The following GPR162 variants were observed in gnomAD, a reference collection of about 807,000 sequenced individuals.
GPR162 encodes the protein G protein-coupled receptor 162.
GPR162 carries 26 observed loss-of-function variants against 44.9 expected under a neutral mutation model. The observed-to-expected ratio is 0.58, with a 90% CI of 0.42 to 0.80. GPR162 has a LOEUF of 0.80. GPR162 is among the 30% of genes least tolerant of loss of function. The pLI is 0.00. For missense variants in GPR162, 704 were observed against 802.3 expected (o/e 0.88, Z 1.48); for synonymous variants, 363 against 335.2 (o/e 1.08, Z -0.91).
In GPR162 at chr12:6,827,041, C is replaced by G; in HGVS notation, c.1604C>G (p.Pro535Arg). ...CGGCCCCGGCCACTGGGCCTCTCAC[C>G]CCGCCGACTCTCCCTTGGGTCCCCT... is the stretch of plus-strand genomic sequence containing the variant. ...PRRPRPLGLSPRRLSLGSPES... is the reference protein window; with the variant it reads ...PRRPRPLGLSRRRLSLGSPES... The change falls in exon 5 of 5, where the codon CCC becomes CGC. Residue 535 changes from proline to arginine, a missense_variant. Pro to Arg is a moderately radical substitution (Grantham distance 103). Around this residue, in one of 6 missense-constraint regions of GPR162, gnomAD observed 404 missense variants for 314.1 expected, o/e 1.29. Coordinates refer to ENST00000311268, the MANE Select transcript of GPR162 (RefSeq NM_019858.2). 6.2e-7 allele frequency: 1 copy of G among 1,613,404 alleles called. No homozygotes were observed. The highest frequency in any genetic ancestry group is 8.5e-7 in the Non-Finnish European group (1 of 1,180,028).
rs1943316696 is a variant in GPR162, at chr12:6,823,960, T to C, written c.62T>C (p.Leu21Pro). Residue 21 changes from leucine (L) to proline (P), a missense_variant, in exon 2 of 5, where the codon CTG becomes CCG. This residue lies in a region of GPR162 where 30 missense variants were observed against 31.8 expected (regional missense o/e 0.94). Coordinates refer to ENST00000311268, the MANE Select transcript of GPR162 (RefSeq NM_019858.2). The stretch of plus-strand genomic sequence containing the variant: ...CTGCGCTCCAACGCATTGTCCTGGC[T>C]GGCCTGTGGGCTCCTGGCGCTGCTG... ...ASLRSNALSW[L>P]ACGLLALLAN... is the part of the protein sequence containing the mutation. The C allele has an allele frequency of 6.3e-7, 1 of 1,597,272 alleles. No individual in the cohort carries two copies. The highest frequency in any genetic ancestry group is 8.5e-7 in the Non-Finnish European group (1 of 1,174,798).
Position 6,822,118 on chromosome 12 carries a change from C to T in GPR162, c.-432+218C>T, listed in dbSNP as rs1474810412. Among the ~76,000 whole-genome samples, 7 of 152,326 alleles carry T rather than the reference C, an allele frequency of 4.6e-5. No individual in the cohort carries two copies. Among genetic ancestry groups the T allele is most frequent in the African/African-American group, 1.7e-4 (7 of 41,570 alleles). ...AGGGAACCTCCCAGATCCCCCTTCCCACCTTCCTCTGATCTCTCCCTGTCC... is the reference window on the plus strand; with the variant it reads ...AGGGAACCTCCCAGATCCCCCTTCCTACCTTCCTCTGATCTCTCCCTGTCC... On this transcript the variant is annotated intron_variant, in intron 1 of 4. Coordinates refer to ENST00000311268, the MANE Select transcript of GPR162 (RefSeq NM_019858.2). The surrounding 1 kb of genome is among the most constrained non-coding windows in gnomAD (Gnocchi z 4.2).
At position 6,827,274 on chromosome 12, in the gene GPR162, G is replaced by C. The variant is rs1227952245; in HGVS notation, c.*70G>C. ...TAACACCTCATTCTGGCCGAGAGTA[G>C]GGCAGCTGCCTCCAGACTCTGGGGA... On this transcript the variant is annotated 3_prime_UTR_variant, in exon 5 of 5. Transcript: ENST00000311268. 1.5e-5 allele frequency: 20 copies of C among 1,295,196 alleles called. No homozygotes were observed. The highest frequency in any genetic ancestry group is 2.1e-5 in the Non-Finnish European group (20 of 950,022). 80.2% of individuals were successfully genotyped at this position (1,295,196 alleles called of 1,614,324 possible). A position where few individuals can be genotyped will look rare whatever the true frequency, so the allele number is the denominator to read the frequency against.
At position 6,827,031 on chromosome 12, in the gene GPR162, G is replaced by A. The variant is rs782557583; in HGVS notation, c.1594G>A (p.Gly532Ser). ...GHSPRRPRPLGLSPRRLSLGS... is the reference protein window; with the variant it reads ...GHSPRRPRPLSLSPRRLSLGS... ...CTCTCCTCGTCGGCCCCGGCCACTG[G>A]GCCTCTCACCCCGCCGACTCTCCCT... Residue 532 changes from glycine to serine, a missense_variant, in exon 5 of 5, where the codon GGC becomes AGC. Transcript: ENST00000311268. 8.7e-6 allele frequency: 14 copies of A among 1,613,338 alleles called. No homozygotes were observed. Among genetic ancestry groups the A allele is most frequent in the East Asian group, 2.2e-5 (1 of 44,872 alleles).
chr12:6,825,205 CA>C lies in GPR162; in HGVS notation c.868-278del. The C allele has an allele frequency of 5.4e-6, 3 of 557,646 alleles. No individual in the cohort carries two copies. The South Asian group carries it at 6.0e-5, about 11-fold the overall frequency. 34.5% of individuals were successfully genotyped at this position (557,646 alleles called of 1,614,324 possible). A position where few individuals can be genotyped will look rare whatever the true frequency, so the allele number is the denominator to read the frequency against. On this transcript the variant is annotated intron_variant, in intron 2 of 4. Transcript: ENST00000311268. ...GGCTCACCCCACCACCCCATCTAGT[CA>C]CTGTTCCTGGGTTCCTGTCTGTCTC...
chr12:6,824,337 A>G lies in GPR162; in HGVS notation c.439A>G (p.Ile147Val). The stretch of plus-strand genomic sequence containing the variant: ...CATGGGCATCTGGATGGTCAGCTTC[A>G]TCCTCTCCACACTGCCCTCCATTGG... Reference protein sequence around the residue: ...AVMGIWMVSFILSTLPSIGWH... With the variant: ...AVMGIWMVSFVLSTLPSIGWH... The change falls in exon 2 of 5, where the codon ATC (isoleucine) becomes GTC (valine). Residue 147 changes from isoleucine to valine, a missense_variant. Around this residue, in one of 6 missense-constraint regions of GPR162, gnomAD observed 110 missense variants for 206.2 expected, o/e 0.53. Transcript: ENST00000311268. 1 of 1,614,120 alleles carries G rather than the reference A, an allele frequency of 6.2e-7. No homozygotes were observed. Among genetic ancestry groups the G allele is most frequent in the Non-Finnish European group, 8.5e-7 (1 of 1,180,010 alleles).
Position 6,823,918 on chromosome 12 carries a change from G to T in GPR162, c.20G>T (p.Gly7Val). The change falls in exon 2 of 5, where the codon GGG becomes GTG. Residue 7 changes from glycine (G) to valine (V), a missense_variant. Gly to Val is a moderately radical substitution (Grantham distance 109, BLOSUM62 -3). Around this residue, in one of 6 missense-constraint regions of GPR162, gnomAD observed 30 missense variants for 31.8 expected, o/e 0.94. Coordinates refer to ENST00000311268, the MANE Select transcript of GPR162 (RefSeq NM_019858.2). ...GATAGGATGGCTCGGGGCGGGGCGGGGGCAGAGGAGGCCTCCCTGCGCTCC... is the reference window on the plus strand; with the variant it reads ...GATAGGATGGCTCGGGGCGGGGCGGTGGCAGAGGAGGCCTCCCTGCGCTCC... MARGGAGAEEASLRSNA... is the reference protein window; with the variant it reads MARGGAVAEEASLRSNA... 6.4e-7 allele frequency: 1 copy of T among 1,560,638 alleles called. No homozygotes were observed. Among genetic ancestry groups the T allele is most frequent in the Non-Finnish European group, 8.7e-7 (1 of 1,151,696 alleles).
chr12:6,825,965 C>T (rs1419861033), intron 3 of GPR162, among the ~76,000 whole-genome samples: 5 of 152,162 alleles, frequency 3.3e-5, no homozygotes, highest in African/African-American at 7.2e-5. Flanking sequence ...GCTATAGGGA[C>T]GGCTCTTGGG....
intron 4 of GPR162, 129 bp downstream of exon 4, chr12:6,826,482 A>G: frequency 9.1e-7 from 1 of 1,101,138 alleles, no homozygotes; most frequent in Non-Finnish European, 1.3e-6. Context: ...GGGTGAAAGA[A>G]AGCTATAGCA....
At chr12:6,825,082 G>A (rs1228322810) in intron 2 of GPR162, 5 of 586,026 alleles carry the variant, frequency 8.5e-6, no homozygotes, top group Admixed American at 2.3e-5. Context: ...CGGTTCAGCC[G>A]CAGACCTCTC....
Position 6,825,213 on chromosome 12 carries a change from C to T in GPR162, c.868-271C>T, listed in dbSNP as rs782606783. 161 of 562,554 alleles carry T rather than the reference C, an allele frequency of 2.9e-4. 2 individuals carry two copies. In the South Asian group the frequency reaches 3.1e-3, roughly 11 times the overall value. The allele number at this position is 562,554 out of a possible 1,614,324, so 34.8% of individuals were successfully genotyped here. ...CCACCACCCCATCTAGTCACTGTTC[C>T]TGGGTTCCTGTCTGTCTCTACGGTT... On this transcript the variant is annotated intron_variant, in intron 2 of 4. Transcript: ENST00000311268.
In GPR162 at chr12:6,826,911, G is replaced by A. The variant is rs781968979; in HGVS notation, c.1474G>A (p.Gly492Arg). The A allele has an allele frequency of 6.2e-7, 1 of 1,613,214 alleles. No homozygotes were observed. Among genetic ancestry groups the A allele is most frequent in the Non-Finnish European group, 8.5e-7 (1 of 1,179,854 alleles). Residue 492 changes from glycine (G) to arginine (R), a missense_variant, in exon 5 of 5, where the codon GGG becomes AGG. Physicochemically the swap from Gly to Arg is moderately radical, Grantham distance 125 (BLOSUM62 -2). Transcript: ENST00000311268. Reference protein sequence around the residue: ...FLESGVLGSGGGPPRGPGFFR... With the variant: ...FLESGVLGSGRGPPRGPGFFR... ...GGAGAGTGGGGTTCTGGGGTCAGGT[G>A]GGGGACCCCCACGGGGTCCTGGCTT...
chr12:6,826,791 C>G lies in GPR162; in HGVS notation c.1354C>G (p.Pro452Ala), dbSNP rs782023420. 3 of 1,609,416 alleles carry G rather than the reference C, an allele frequency of 1.9e-6. No individual in the cohort carries two copies. Among genetic ancestry groups the G allele is most frequent in the East Asian group, 2.2e-5 (1 of 44,858 alleles). The change falls in exon 5 of 5, where the codon CCT (proline) becomes GCT (alanine). Residue 452 changes from proline (P) to alanine (A), a missense_variant. Transcript: ENST00000311268. Reference protein sequence around the residue: ...LPAQSRALGGPPEYLGQRHRL... With the variant: ...LPAQSRALGGAPEYLGQRHRL... ...AGCCCAGAGCCGGGCCCTCGGGGGT[C>G]CTCCTGAGTACCTGGGACAAAGACA...
rs1215560411 is a variant in GPR162, at chr12:6,826,440, C to T, written c.1215+87C>T. 5 of 1,335,338 alleles carry T rather than the reference C, an allele frequency of 3.7e-6. No homozygotes were observed. In the Admixed American group the frequency reaches 9.2e-5, roughly 24 times the overall value. 82.7% of individuals were successfully genotyped at this position (1,335,338 alleles called of 1,614,324 possible). A position where few individuals can be genotyped will look rare whatever the true frequency, so the allele number is the denominator to read the frequency against. ...TGTTAGGCACCCCAATCCCCTCTTC[C>T]CTAGCCCTGGCTTTCAGGGCACCAT... On this transcript the variant is annotated intron_variant, in intron 4 of 4. Transcript: ENST00000311268.
intron 3 of GPR162, 102 bp from the exon 4 acceptor site, chr12:6,826,094 T>C (rs949157931): frequency 1.1e-5 from 9 of 842,582 alleles, no homozygotes; most frequent in Non-Finnish European, 1.5e-5. Context: ...ACATACATGC[T>C]AATGGGAACT....
At chr12:6,826,474 G>A (rs1555120098) in intron 4 of GPR162, 121 bp downstream of exon 4, 2 of 1,138,600 alleles carry the variant, frequency 1.8e-6, no homozygotes, top group Non-Finnish European at 1.2e-6. Context: ...ATAGAGCTGG[G>A]TGAAAGAAAG....
rs782434797 is a variant in GPR162 at position 6,824,533 on chromosome 12, G to C, written c.635G>C (p.Arg212Thr). 6.2e-7 allele frequency: 1 copy of C among 1,609,520 alleles called. No individual in the cohort carries two copies. Among genetic ancestry groups the C allele is most frequent in the Non-Finnish European group, 8.5e-7 (1 of 1,177,250 alleles). Residue 212 changes from arginine (R) to threonine (T), a missense_variant, in exon 2 of 5, where the codon AGG becomes ACG. Around this residue, in one of 6 missense-constraint regions of GPR162, gnomAD observed 56 missense variants for 47.2 expected, o/e 1.19. Transcript: ENST00000311268. ...CAGACACTGTGGGCCCGGCCCCGGAGGGCTCGGCAGGCCCGGAGAGTGGGG... is the reference window on the plus strand; with the variant it reads ...CAGACACTGTGGGCCCGGCCCCGGACGGCTCGGCAGGCCCGGAGAGTGGGG... ...FYQTLWARPR[R>T]ARQARRVGGG...
chr12:6,826,562 A>T, intron 4 of GPR162, 91 bp from the exon 5 acceptor site: 1 of 1,238,034 alleles, frequency 8.1e-7, no homozygotes, highest in Non-Finnish European at 1.1e-6. Context: ...AAGGTTAAGA[A>T]GGTGGCACCA....
rs1591576564 is a variant in GPR162, at chr12:6,827,266, C to T, written c.*62C>T. 4 of 1,358,542 alleles carry T rather than the reference C, an allele frequency of 2.9e-6. No individual in the cohort carries two copies. Among genetic ancestry groups the T allele is most frequent in the Middle Eastern group, 2.5e-4 (1 of 4,032 alleles). The allele number at this position is 1,358,542 out of a possible 1,614,324, so 84.2% of individuals were successfully genotyped here. On this transcript the variant is annotated 3_prime_UTR_variant, in exon 5 of 5. Coordinates refer to ENST00000311268, the MANE Select transcript of GPR162 (RefSeq NM_019858.2). ...TGAGTGAGTAACACCTCATTCTGGC[C>T]GAGAGTAGGGCAGCTGCCTCCAGAC...
Sources: allele counts gnomAD v4.1 joint callset (sites outside exome capture counted in the v4.1 genomes callset), GRCh38; gene constraint gnomAD v4.1.1; regional missense constraint gnomAD v4.1.1; non-coding constraint Gnocchi (gnomAD v3.1); transcripts MANE v1.5; gene names NCBI Gene and HGNC (gene_info 2026-07-23, HGNC 2026-07-21).